BCL11B: variants seen among roughly 807,000 people sequenced by gnomAD.
The protein encoded by BCL11B is B-cell lymphoma/leukemia 11B.
In BCL11B, 8 loss-of-function variants were observed where a neutral mutation model predicts 49.9. The observed-to-expected ratio is 0.16, with a 90% CI of 0.09 to 0.29. BCL11B has a LOEUF of 0.29. BCL11B is among the 10% of genes least tolerant of loss of function. BCL11B has a pLI of 1.00. For synonymous variants in BCL11B, 739 were observed against 637.4 expected (o/e 1.16, Z -2.40); for missense variants, 1,006 against 1,351.0 (o/e 0.74, Z 4.00).
At chr14:99,176,291 G>A in intron 3 of BCL11B, 96 bp from the exon 4 acceptor site, 1 of 1,157,188 alleles carries the variant, frequency 8.6e-7, no homozygotes, top group Non-Finnish European at 1.2e-6. Flanking sequence ...ACGCGGCCCG[G>A]GCTGATCCGG....
rs1199893071 is a variant in BCL11B, at chr14:99,173,971, A to T, written c.*180T>A. The T allele has an allele frequency of 4.9e-6, 3 of 616,242 alleles. No individual in the cohort carries two copies. The African/African-American group carries it at 5.5e-5, about 11-fold the overall frequency. The allele number at this position is 616,242 out of a possible 1,614,324, so 38.2% of individuals were successfully genotyped here. ...AGGCTCCACAATTTGTACTGCCTTAATCAACCCTCGGGTTTCCATAGGACT... is the reference window on the plus strand; with the variant it reads ...AGGCTCCACAATTTGTACTGCCTTATTCAACCCTCGGGTTTCCATAGGACT... On this transcript the variant is annotated 3_prime_UTR_variant, in exon 4 of 4. Transcript: ENST00000357195.
chr14:99,180,646 T>C (rs1278635510), intron 3 of BCL11B, among the ~76,000 whole-genome samples: 1 of 152,186 alleles, frequency 6.6e-6, no homozygotes, highest in African/African-American at 2.4e-5. Context: ...CCAAATGAGC[T>C]CCTGTATGTG....
In BCL11B at chr14:99,174,276, A is replaced by G; in HGVS notation, c.2560T>C (p.Tyr854His). 1 of 1,613,718 alleles carries G rather than the reference A, an allele frequency of 6.2e-7. No individual in the cohort carries two copies. Among genetic ancestry groups the G allele is most frequent in the Non-Finnish European group, 8.5e-7 (1 of 1,180,012 alleles). Residue 854 changes from tyrosine (Y) to histidine (H), a missense_variant, in exon 4 of 4, where the codon TAC becomes CAC. Transcript: ENST00000357195. ...GGCATCTGGCAGATGTCGCAGCGGT[A>G]CACCTCCTTGCCGATCTGCCCGTGC... is the stretch of plus-strand genomic sequence containing the variant. ...KTHGQIGKEVYRCDICQMPFS... is the reference protein window; with the variant it reads ...KTHGQIGKEVHRCDICQMPFS...
chr14:99,187,681 A>G (rs929667980), intron 3 of BCL11B, among the ~76,000 whole-genome samples: 10 of 143,634 alleles, frequency 7.0e-5, no homozygotes, highest in Admixed American at 2.1e-4. Flanking sequence ...AAAAAAGGCC[A>G]GGAGTCGGCT....
chr14:99,199,939 A>G (rs2139817341), intron 3 of BCL11B, among the ~76,000 whole-genome samples: 1 of 151,784 alleles, frequency 6.6e-6, no homozygotes, highest in Middle Eastern at 3.4e-3. Flanking sequence ...TATAAGACAG[A>G]GTGTCTTAAT....
At chr14:99,198,686 TGCACCTTCC>T (rs142605005) in intron 3 of BCL11B, among the ~76,000 whole-genome samples, 2,396 of 151,916 alleles carry the variant, frequency 0.016, 53 homozygotes, top group African/African-American at 0.048. Context: ...CCAAACAGAG[TGCACCTTCC>T]GCACCTTCCG....
chr14:99,230,596 G>A (rs1196117894), intron 3 of BCL11B, among the ~76,000 whole-genome samples: 1 of 152,212 alleles, frequency 6.6e-6, no homozygotes, highest in Non-Finnish European at 1.5e-5. Context: ...TAAGATCTTG[G>A]GTTCCACTTG....
intron 3 of BCL11B, among the ~76,000 whole-genome samples, chr14:99,177,507 C>T (rs562668131): frequency 7.2e-4 from 109 of 150,770 alleles, no homozygotes; most frequent in Non-Finnish European, 1.4e-3. Context: ...ATAAAAGAGA[C>T]GGTGCAGACA....
rs116876133 is a variant in BCL11B, at chr14:99,205,238, G to A, written c.640+26107C>T. Among the ~76,000 whole-genome samples the A allele has an allele frequency of 3.6e-3, 553 of 152,160 alleles. 23 individuals carry two copies. The East Asian group carries it at 0.09, about 25-fold the overall frequency. ...GAATTCTACAGCTGGTAGTGATGAC[G>A]GCTCCATCCTACCCGGCCATTTCTT... On this transcript the variant is annotated intron_variant, in intron 3 of 3. Transcript: ENST00000357195. This position sits in a 1 kb window ranked among gnomAD's most constrained non-coding sequence, Gnocchi z 5.0.
At chr14:99,238,244 C>A (rs1446493430) in intron 2 of BCL11B, among the ~76,000 whole-genome samples, 1 of 152,156 alleles carries the variant, frequency 6.6e-6, no homozygotes, top group African/African-American at 2.4e-5. Context: ...ATGATCGCGT[C>A]CCCCACCGAC....
intron 2 of BCL11B, among the ~76,000 whole-genome samples, chr14:99,239,984 C>G (rs1195039420): frequency 6.6e-6 from 1 of 152,138 alleles, no homozygotes; most frequent in African/African-American, 2.4e-5. Flanking sequence ...AAGCCCGAAG[C>G]AGCCAGAAAA....
chr14:99,171,566 A>G lies in BCL11B; in HGVS notation c.*2585T>C, dbSNP rs1595210382. On this transcript the variant is annotated 3_prime_UTR_variant, in exon 4 of 4. Coordinates refer to ENST00000357195, the MANE Select transcript of BCL11B (RefSeq NM_138576.4). The stretch of plus-strand genomic sequence containing the variant: ...ATGAACCAACCAATATATCCATTCC[A>G]GAGGGAGGCGGGAAGAGAAAAATAA... The G allele has an allele frequency of 4.7e-6, 1 of 213,194 alleles. No individual in the cohort carries two copies. The highest frequency in any genetic ancestry group is 7.1e-5 in the East Asian group (1 of 14,170). 13.2% of individuals were successfully genotyped at this position (213,194 alleles called of 1,614,324 possible).
chr14:99,251,901 G>A (rs1055444445), intron 2 of BCL11B, among the ~76,000 whole-genome samples: 2 of 152,196 alleles, frequency 1.3e-5, no homozygotes, highest in African/African-American at 4.8e-5. Context: ...AGGCCTGACT[G>A]AGTCTGACTC....
At chr14:99,250,282 G>A (rs1026453771) in intron 2 of BCL11B, among the ~76,000 whole-genome samples, 5 of 151,808 alleles carry the variant, frequency 3.3e-5, no homozygotes, top group East Asian at 2.0e-4. Context: ...TGATCCCCCC[G>A]CCTCGGCCTC....
chr14:99,192,869 GTGAATGAA>G lies in BCL11B; in HGVS notation c.641-16682_641-16675del, dbSNP rs10553108. ...TATTTAATGATCAAAATGTAAATGA[GTGAATGAA>G]TGAATGAATGAATGAATGAGTGAAT... On this transcript the variant is annotated intron_variant, in intron 3 of 3. Transcript: ENST00000357195. This position sits in a 1 kb window ranked among gnomAD's most constrained non-coding sequence, Gnocchi z 4.0. 6.2e-4 allele frequency among the ~76,000 whole-genome samples: 94 copies of G among 151,334 alleles called. No individual in the cohort carries two copies. Among genetic ancestry groups the G allele is most frequent in the Non-Finnish European group, 7.2e-4 (49 of 67,794 alleles).
chr14:99,229,487 C>A (rs1471272704), intron 3 of BCL11B, among the ~76,000 whole-genome samples: 1 of 152,180 alleles, frequency 6.6e-6, no homozygotes, highest in East Asian at 1.9e-4. Context: ...AATCCCAGTT[C>A]TGCCACCCTG....
chr14:99,210,102 C>G (rs955698676), intron 3 of BCL11B, among the ~76,000 whole-genome samples: 1 of 152,106 alleles, frequency 6.6e-6, no homozygotes, highest in Non-Finnish European at 1.5e-5. Flanking sequence ...CAGAGGCTGC[C>G]CTACCTCTCA....
chr14:99,237,810 G>C (rs757949201), intron 2 of BCL11B, among the ~76,000 whole-genome samples: 12 of 152,186 alleles, frequency 7.9e-5, no homozygotes, highest in Non-Finnish European at 1.2e-4. Flanking sequence ...AAAGACAGCA[G>C]TCCTTGCAGG....
chr14:99,210,682 G>A (rs561529959), intron 3 of BCL11B, among the ~76,000 whole-genome samples: 3 of 152,212 alleles, frequency 2.0e-5, no homozygotes, highest in African/African-American at 4.8e-5. Context: ...AGGGAAGAGA[G>A]AGATTGAAGG....
Sources: gnomAD v4.1 joint callset for allele counts (sites outside exome capture counted in the v4.1 genomes callset) on GRCh38, gnomAD v4.1.1 for gene constraint, Gnocchi (gnomAD v3.1) non-coding constraint, MANE v1.5 for transcripts, NCBI Gene and HGNC (gene_info 2026-07-23, HGNC 2026-07-21) for gene names.